Variants in ALG13 observed in about 807,000 individuals in gnomAD.
ALG13 encodes ALG13 UDP-N-acetylglucosaminyltransferase subunit.
In ALG13, 11 loss-of-function variants were observed where a neutral mutation model predicts 87.8. That is an observed-to-expected ratio of 0.13 (90% CI 0.08 to 0.21). The LOEUF is 0.21. Ranked by LOEUF, ALG13 falls within the 10% of genes least tolerant of loss-of-function variation. ALG13 has a pLI of 1.00. For synonymous variants in ALG13, 320 were observed against 306.3 expected (o/e 1.04, Z -0.47); for missense variants, 756 against 866.1 (o/e 0.87, Z 1.60).
chrX:111,736,757 A>G lies in ALG13; in HGVS notation c.2573A>G (p.Asn858Ser), dbSNP rs756238772. 2.6e-5 allele frequency: 32 copies of G among 1,209,200 alleles called. No individual in the cohort carries two copies. The Admixed American group carries it at 6.3e-4, about 24-fold the overall frequency. Residue 858 changes from asparagine to serine, a missense_variant, in exon 23 of 27, where the codon AAT becomes AGT. Physicochemically the swap from Asn to Ser is conservative, Grantham distance 46. Transcript: ENST00000394780. ...GCAGTTGCAGCTTCCTGTGCCAATAATGTTCCAGCTCCAGTCTTATCTAAC... is the reference window on the plus strand; with the variant it reads ...GCAGTTGCAGCTTCCTGTGCCAATAGTGTTCCAGCTCCAGTCTTATCTAAC... ...IAAVAASCAN[N>S]VPAPVLSNGA...
intron 25 of ALG13, 128 bp from the exon 26 acceptor site, chrX:111,757,460 G>T (rs1348006951): frequency 8.3e-6 from 4 of 479,518 alleles, no homozygotes; most frequent in Non-Finnish European, 1.3e-5. Context: ...AAAAGTCATT[G>T]CTACCTCACC....
At chrX:111,711,849 A>C in intron 6 of ALG13, 124 bp downstream of exon 6, 1 of 625,850 alleles carries the variant, frequency 1.6e-6, no homozygotes, top group Non-Finnish European at 2.4e-6. Flanking sequence ...AGCTGTGTTG[A>C]ATCCAATAGT....
intron 2 of ALG13, among the ~76,000 whole-genome samples, chrX:111,683,486 C>T (rs1459164232): frequency 9.2e-6 from 1 of 108,279 alleles, no homozygotes; most frequent in Non-Finnish European, 1.9e-5. Context: ...CACACTACCA[C>T]GCCCCGGCTA....
chrX:111,750,533 C>G lies in ALG13; in HGVS notation c.2933-2257C>G, dbSNP rs749984515. Among the ~76,000 whole-genome samples the G allele has an allele frequency of 2.5e-4, 28 of 110,916 alleles. No individual in the cohort carries two copies. The East Asian group carries it at 7.3e-3, about 29-fold the overall frequency. ...TTACAAATTGAAGATTTGTGAGAAC[C>G]CTGTGTCAAGCAAATCTATTGGCAC... On this transcript the variant is annotated intron_variant, in intron 24 of 26. Coordinates refer to ENST00000394780, the MANE Select transcript of ALG13 (RefSeq NM_001099922.3).
At chrX:111,759,390 A>G (rs916600763) in intron 26 of ALG13, among the ~76,000 whole-genome samples, 1 of 111,192 alleles carries the variant, frequency 9.0e-6, no homozygotes, top group Non-Finnish European at 1.9e-5. Context: ...CTGTAAAACT[A>G]TTGGATAACT....
intron 3 of ALG13, chrX:111,688,132 A>G (rs1849521674): frequency 1.2e-6 from 1 of 854,049 alleles, no homozygotes; most frequent in African/African-American, 2.1e-5. Context: ...TATAGAATGT[A>G]TAGGAAATTT....
Position 111,689,462 on chromosome X carries a change from A to G in ALG13, c.383+4359A>G, listed in dbSNP as rs149683115. On this transcript the variant is annotated intron_variant, in intron 3 of 26. Coordinates refer to ENST00000394780, the MANE Select transcript of ALG13 (RefSeq NM_001099922.3). The stretch of plus-strand genomic sequence containing the variant: ...AACTAAAAGGCTATACAGCCCCTAA[A>G]TCCTTTGCTATCTACTTCCCCAGAA... The G allele has an allele frequency of 1.7e-5, 13 of 751,949 alleles. No individual in the cohort carries two copies. In the African/African-American group the frequency reaches 2.8e-4, roughly 16 times the overall value. 62.0% of individuals were successfully genotyped at this position (751,949 alleles called of 1,213,427 possible). A position where few individuals can be genotyped will look rare whatever the true frequency, so the allele number is the denominator to read the frequency against.
rs1941820796 is a variant in ALG13 at position 111,725,037 on chromosome X, C to T, written c.1705C>T (p.Pro569Ser). ...SRKGRGYQKM[P>S]GGYVPEIVIS... ...GAAAGGAAGAGGTTACCAGAAAATG[C>T]CTGGGGGTTATGTCCCGGAAATAGG... The change falls in exon 15 of 27, where the codon CCT becomes TCT. Residue 569 changes from proline to serine, a missense_variant. Coordinates refer to ENST00000394780, the MANE Select transcript of ALG13 (RefSeq NM_001099922.3). 1 of 1,209,162 alleles carries T rather than the reference C, an allele frequency of 8.3e-7. No homozygotes were observed. Among genetic ancestry groups the T allele is most frequent in the Non-Finnish European group, 1.1e-6 (1 of 894,781 alleles).
At chrX:111,714,404 G>C (rs986665391) in intron 8 of ALG13, 17 of 109,709 alleles carry the variant, frequency 1.5e-4, no homozygotes, top group African/African-American at 5.6e-4. Flanking sequence ...CATTTAAGTG[G>C]AGTATAAAAG....
chrX:111,724,787 C>G, intron 14 of ALG13, 147 bp from the exon 15 acceptor site: 2 of 583,813 alleles, frequency 3.4e-6, no homozygotes, highest in Non-Finnish European at 2.7e-6. Flanking sequence ...CTTAAGTTTT[C>G]TAAACTAATA....
At chrX:111,717,573 A>T (rs1355023854) in intron 8 of ALG13, among the ~76,000 whole-genome samples, 2 of 104,195 alleles carry the variant, frequency 1.9e-5, no homozygotes, top group Admixed American at 2.1e-4. Flanking sequence ...CAAATTTGTA[A>T]ATCAGGACTT....
chrX:111,715,791 A>C (rs1377986414), intron 8 of ALG13, among the ~76,000 whole-genome samples: 1 of 112,535 alleles, frequency 8.9e-6, no homozygotes, highest in Non-Finnish European at 1.9e-5. Flanking sequence ...AATATTTTAG[A>C]ACAAACTTTC....
chrX:111,725,711 A>G (rs377202923), intron 15 of ALG13, among the ~76,000 whole-genome samples: 1 of 111,809 alleles, frequency 8.9e-6, no homozygotes, highest in East Asian at 2.8e-4. Context: ...AAAATAGTGC[A>G]TGTACCCCAT....
At chrX:111,700,342 C>T (rs2035739427) in intron 3 of ALG13, among the ~76,000 whole-genome samples, 1 of 110,312 alleles carries the variant, frequency 9.1e-6, no homozygotes, top group African/African-American at 3.3e-5. Flanking sequence ...TTCATTTCTT[C>T]CTTTTCTAGT....
chrX:111,700,266 C>T (rs1342001114), intron 3 of ALG13, among the ~76,000 whole-genome samples: 1 of 110,392 alleles, frequency 9.1e-6, no homozygotes, highest in Admixed American at 9.7e-5. Flanking sequence ...CAGTTCTAAC[C>T]ATTTTTTGGT....
chrX:111,747,319 A>G (rs948386385), intron 24 of ALG13, among the ~76,000 whole-genome samples: 3 of 112,189 alleles, frequency 2.7e-5, no homozygotes, highest in African/African-American at 9.7e-5. Flanking sequence ...GCAGTCATGC[A>G]ATATATAGCC....
At position 111,722,838 on chromosome X, in the gene ALG13, A is replaced by G. The variant is rs770609641; in HGVS notation, c.1481A>G (p.Tyr494Cys). The G allele has an allele frequency of 2.6e-5, 31 of 1,197,376 alleles. No individual in the cohort carries two copies. The highest frequency in any genetic ancestry group is 6.6e-5 in the Admixed American group (3 of 45,260). ...DYMEYAGRQYYLGDKCQVCLE... is the reference protein window; with the variant it reads ...DYMEYAGRQYCLGDKCQVCLE... ...ATGGAGTATGCTGGGAGACAGTACTATTTGGGAGACAAGTGTCAGGTTAGT... is the reference window on the plus strand; with the variant it reads ...ATGGAGTATGCTGGGAGACAGTACTGTTTGGGAGACAAGTGTCAGGTTAGT... The change falls in exon 13 of 27, where the codon TAT becomes TGT. Residue 494 changes from tyrosine to cysteine, a missense_variant. This residue lies in a region of ALG13 where 362 missense variants were observed against 383.5 expected (regional missense o/e 0.94). Transcript: ENST00000394780.
chrX:111,741,582 G>T (rs1047996400), intron 23 of ALG13, among the ~76,000 whole-genome samples: 1 of 111,652 alleles, frequency 9.0e-6, no homozygotes, highest in Non-Finnish European at 1.9e-5. Flanking sequence ...GGAGGCCGAG[G>T]TGGGCAGATC....
chrX:111,726,265 ACT>A (rs1216209857), intron 15 of ALG13, among the ~76,000 whole-genome samples: 1 of 73,815 alleles, frequency 1.4e-5, no homozygotes, highest in Non-Finnish European at 2.4e-5. Context: ...AGACAGTCTC[ACT>A]CTGTCGCCCA....
Sources: allele counts gnomAD v4.1 joint callset (sites outside exome capture counted in the v4.1 genomes callset), GRCh38; gene constraint gnomAD v4.1.1; regional missense constraint gnomAD v4.1.1; transcripts MANE v1.5; gene names NCBI Gene and HGNC (gene_info 2026-07-23, HGNC 2026-07-21).